Variants in P2RY11 observed in about 807,000 individuals in gnomAD.
The protein encoded by P2RY11 is P2Y purinoceptor 11.
A neutral mutation model predicts 2.4 loss-of-function variants in P2RY11; 3 were observed. The ratio of observed to expected loss-of-function variants is 1.22; its 90% CI spans 0.56 to 3.17. P2RY11 has a LOEUF of 3.17. Ranked by LOEUF, P2RY11 falls within the 30% of genes most tolerant of loss-of-function variation. The pLI, the probability that P2RY11 is intolerant of heterozygous loss-of-function variation, is 0.03. For synonymous variants in P2RY11, 307 were observed against 237.3 expected, an observed-to-expected ratio of 1.29 and a Z score of -2.70; for missense variants, 670 against 528.2, an observed-to-expected ratio of 1.27 and a Z score of -2.63.
Position 10,115,028 on chromosome 19 carries a change from C to G in P2RY11, c.*290C>G. 1.3e-6 allele frequency: 2 copies of G among 1,582,222 alleles called. No homozygotes were observed. The highest frequency in any genetic ancestry group is 8.6e-7 in the Non-Finnish European group (1 of 1,157,422). ...AAAGAACCAAGTAGAGAGAGTGGAG[C>G]TGCTTTATTGCCCTTGGAGCCCGCG... On this transcript the variant is annotated 3_prime_UTR_variant, in exon 2 of 2. Coordinates refer to ENST00000321826, the MANE Select transcript of P2RY11 (RefSeq NM_002566.5).
rs745817044 is a variant in P2RY11 at position 10,114,546 on chromosome 19, C to T, written c.933C>T (p.Pro311=). 6 of 1,612,718 alleles carry T rather than the reference C, an allele frequency of 3.7e-6. No individual in the cohort carries two copies. The South Asian group carries it at 5.5e-5, about 15-fold the overall frequency. Residue 311 remains proline, a synonymous_variant, in exon 2 of 2, where the codon CCC becomes CCT. Coordinates refer to ENST00000321826, the MANE Select transcript of P2RY11 (RefSeq NM_002566.5). ...ACCAGGTGATGCGGGGCCTCATGCC[C>T]CTGGCCTTCTGTGTCCACCCTCTAC... ...VGYQVMRGLM[P]LAFCVHPLLY...
Position 10,114,774 on chromosome 19 carries a change from G to T in P2RY11, c.*36G>T. On this transcript the variant is annotated 3_prime_UTR_variant, in exon 2 of 2. Transcript: ENST00000321826. Reference sequence around the variant, plus strand: ...CGGAAGCTGCCTCCTCACCCTAGGTGTTGCTGGAGAACCCTGAGGGCAGGG... The same window carrying T: ...CGGAAGCTGCCTCCTCACCCTAGGTTTTGCTGGAGAACCCTGAGGGCAGGG... 6.4e-7 allele frequency: 1 copy of T among 1,563,804 alleles called. No individual in the cohort carries two copies. The highest frequency in any genetic ancestry group is 8.7e-7 in the Non-Finnish European group (1 of 1,153,130).
chr19:10,112,846 G>A (rs1027823783), intron 1 of P2RY11, among the ~76,000 whole-genome samples: 1 of 152,130 alleles, frequency 6.6e-6, no homozygotes, highest in African/African-American at 2.4e-5. Context: ...GGAAGCTGAG[G>A]CAGGAGAATC....
rs1568492642 is a variant in P2RY11 at position 10,114,598 on chromosome 19, GGCT to G, written c.994_996del (p.Cys332del). 1 of 1,613,818 alleles carries G rather than the reference GGCT, an allele frequency of 6.2e-7. No individual in the cohort carries two copies. Among genetic ancestry groups the G allele is most frequent in the Non-Finnish European group, 8.5e-7 (1 of 1,179,992 alleles). On this transcript the variant is annotated inframe_deletion, in exon 2 of 2. Transcript: ENST00000321826. ...CTACATGGCCGCAGTGCCCAGCCTG[GGCT>G]GCTGCTGCCGACACTGCCCCGGCTA...
At chr19:10,113,548 C>T (rs952742163) in intron 1 of P2RY11, 85 bp from the exon 2 acceptor site, 27 of 1,528,266 alleles carry the variant, frequency 1.8e-5, no homozygotes, top group East Asian at 1.6e-4. Flanking sequence ...CAGGGATCCA[C>T]GCCATGGCAG....
Position 10,114,920 on chromosome 19 carries a change from C to T in P2RY11, c.*182C>T, listed in dbSNP as rs542779528. The stretch of plus-strand genomic sequence containing the variant: ...CCCACCCACAGCGCTGGCCACAGGG[C>T]TCCCTGCAGGGTCAGGGACCAGACC... On this transcript the variant is annotated 3_prime_UTR_variant, in exon 2 of 2. Transcript: ENST00000321826. 1.9e-5 allele frequency: 26 copies of T among 1,382,502 alleles called. No homozygotes were observed. The East Asian group carries it at 6.5e-4, about 34-fold the overall frequency. 85.6% of individuals were successfully genotyped at this position (1,382,502 alleles called of 1,614,324 possible).
At position 10,115,225 on chromosome 19, in the gene P2RY11, G is replaced by GAAGC; in HGVS notation, c.*487_*488insAAGC. ...TCTTGGGGGTGGGTGGGCAGAGGAC[G>GAAGC]GGGTAATGTGAGGACGAAGCGGGCA... is the stretch of plus-strand genomic sequence containing the variant. On this transcript the variant is annotated 3_prime_UTR_variant, in exon 2 of 2. Transcript: ENST00000321826. 5 of 1,491,956 alleles carry GAAGC rather than the reference G, an allele frequency of 3.4e-6. No individual in the cohort carries two copies. The highest frequency in any genetic ancestry group is 4.6e-6 in the Non-Finnish European group (5 of 1,093,624). 92.4% of individuals were successfully genotyped at this position (1,491,956 alleles called of 1,614,324 possible). A position where few individuals can be genotyped will look rare whatever the true frequency, so the allele number is the denominator to read the frequency against.
At position 10,113,678 on chromosome 19, in the gene P2RY11, A is replaced by AG; in HGVS notation, c.65_66insG (p.Leu23ThrfsTer16). The AG allele has an allele frequency of 6.3e-7, 1 of 1,582,378 alleles. No homozygotes were observed. Among genetic ancestry groups the AG allele is most frequent in the Non-Finnish European group, 8.6e-7 (1 of 1,161,638 alleles). The stretch of plus-strand genomic sequence containing the variant: ...AACTTCTTGGCAGCTGCCGACGACA[A>AG]ACTCAGTGGGTTCCAGGGGGACTTC... On this transcript the variant is annotated frameshift_variant, in exon 2 of 2. Transcript: ENST00000321826. LOFTEE classifies it low-confidence loss of function (END_TRUNC).
chr19:10,114,889 G>A lies in P2RY11; in HGVS notation c.*151G>A, dbSNP rs1011573800. ...AGCTGCAGCCCAGGCAGGAGCAGTC[G>A]CCTTTCCCACCCACAGCGCTGGCCA... is the stretch of plus-strand genomic sequence containing the variant. On this transcript the variant is annotated 3_prime_UTR_variant, in exon 2 of 2. Coordinates refer to ENST00000321826, the MANE Select transcript of P2RY11 (RefSeq NM_002566.5). 7.0e-6 allele frequency: 10 copies of A among 1,418,738 alleles called. No homozygotes were observed. The highest frequency in any genetic ancestry group is 2.9e-5 in the African/African-American group (2 of 70,060). The allele number at this position is 1,418,738 out of a possible 1,614,324, so 87.9% of individuals were successfully genotyped here. A position where few individuals can be genotyped will look rare whatever the true frequency, so the allele number is the denominator to read the frequency against.
At position 10,115,021 on chromosome 19, in the gene P2RY11, A is replaced by G; in HGVS notation, c.*283A>G. On this transcript the variant is annotated 3_prime_UTR_variant, in exon 2 of 2. Transcript: ENST00000321826. ...AGAACAAAAAGAACCAAGTAGAGAGAGTGGAGCTGCTTTATTGCCCTTGGA... is the reference window on the plus strand; with the variant it reads ...AGAACAAAAAGAACCAAGTAGAGAGGGTGGAGCTGCTTTATTGCCCTTGGA... The G allele has an allele frequency of 6.4e-7, 1 of 1,568,680 alleles. No homozygotes were observed. Among genetic ancestry groups the G allele is most frequent in the Non-Finnish European group, 8.7e-7 (1 of 1,146,968 alleles).
Position 10,114,927 on chromosome 19 carries a change from C to A in P2RY11, c.*189C>A. Reference sequence around the variant, plus strand: ...ACAGCGCTGGCCACAGGGCTCCCTGCAGGGTCAGGGACCAGACCACGCCCA... The same window carrying A: ...ACAGCGCTGGCCACAGGGCTCCCTGAAGGGTCAGGGACCAGACCACGCCCA... On this transcript the variant is annotated 3_prime_UTR_variant, in exon 2 of 2. Coordinates refer to ENST00000321826, the MANE Select transcript of P2RY11 (RefSeq NM_002566.5). The A allele has an allele frequency of 7.3e-7, 1 of 1,376,216 alleles. No homozygotes were observed. The highest frequency in any genetic ancestry group is 9.9e-7 in the Non-Finnish European group (1 of 1,005,700). The allele number at this position is 1,376,216 out of a possible 1,614,324, so 85.3% of individuals were successfully genotyped here.
At chr19:10,113,560 C>T (rs372065209) in intron 1 of P2RY11, 73 bp from the exon 2 acceptor site, 16 of 1,538,234 alleles carry the variant, frequency 1.0e-5, no homozygotes, top group East Asian at 4.5e-5. Flanking sequence ...CCATGGCAGA[C>T]GTGGGCTCTT....
rs2089204961 is a variant in P2RY11, at chr19:10,114,681, CA to C, written c.1070del (p.Asn357MetfsTer16). The C allele has an allele frequency of 6.2e-7, 1 of 1,613,618 alleles. No homozygotes were observed. On this transcript the variant is annotated frameshift_variant, in exon 2 of 2. Coordinates refer to ENST00000321826, the MANE Select transcript of P2RY11 (RefSeq NM_002566.5). LOFTEE classifies it low-confidence loss of function (END_TRUNC). ...AKSTGQALPL[N>X]ATAAPKPSEP... ...AGAGCACTGGCCAAGCCCTGCCCCT[CA>C]ATGCCACAGCCGCCCCTAAACCGTC...
Position 10,111,698 on chromosome 19 carries a change from C to T in P2RY11, c.-24C>T. On this transcript the variant is annotated 5_prime_UTR_variant, in exon 1 of 2. Transcript: ENST00000321826. ...GGGCTGGGGAACTGGGTAGCAGACA[C>T]AGGCTGAGGATCGGCACGGGAGCAT... is the stretch of plus-strand genomic sequence containing the variant. The T allele has an allele frequency of 3.1e-6, 5 of 1,613,652 alleles. No individual in the cohort carries two copies. The highest frequency in any genetic ancestry group is 4.2e-6 in the Non-Finnish European group (5 of 1,179,856).
At position 10,113,643 on chromosome 19, in the gene P2RY11, C is replaced by T. The variant is rs1599319896; in HGVS notation, c.30C>T (p.Ser10=). The part of the protein sequence containing the change: MAANVSGAK[S]CPANFLAAAD... ...ACCTTCTGCCCACAGGTGCCAAGTC[C>T]TGCCCTGCCAACTTCTTGGCAGCTG... Residue 10 remains serine (S), a synonymous_variant, in exon 2 of 2, where the codon TCC becomes TCT. Transcript: ENST00000321826. 3.1e-6 allele frequency: 5 copies of T among 1,610,930 alleles called. No homozygotes were observed. Among genetic ancestry groups the T allele is most frequent in the Non-Finnish European group, 4.2e-6 (5 of 1,177,572 alleles).
chr19:10,114,321 A>C lies in P2RY11; in HGVS notation c.708A>C (p.Pro236=), dbSNP rs774815370. 3.4e-5 allele frequency: 54 copies of C among 1,599,224 alleles called. No individual in the cohort carries two copies. The highest frequency in any genetic ancestry group is 4.0e-5 in the Non-Finnish European group (47 of 1,178,084). ...TCGGGCGGGCCGTGCTACGCAGCCCAGGCATGACTGTGGCCGAGAAGCTGC... is the reference window on the plus strand; with the variant it reads ...TCGGGCGGGCCGTGCTACGCAGCCCCGGCATGACTGTGGCCGAGAAGCTGC... The part of the protein sequence containing the change: ...GALGRAVLRS[P]GMTVAEKLRV... The change falls in exon 2 of 2, where the codon CCA becomes CCC. Residue 236 remains proline (P), a synonymous_variant. Transcript: ENST00000321826.
Position 10,114,874 on chromosome 19 carries a change from C to T in P2RY11, c.*136C>T. On this transcript the variant is annotated 3_prime_UTR_variant, in exon 2 of 2. Coordinates refer to ENST00000321826, the MANE Select transcript of P2RY11 (RefSeq NM_002566.5). ...AGCCAGGTCAGGCCCAGCTGCAGCCCAGGCAGGAGCAGTCGCCTTTCCCAC... is the reference window on the plus strand; with the variant it reads ...AGCCAGGTCAGGCCCAGCTGCAGCCTAGGCAGGAGCAGTCGCCTTTCCCAC... The T allele has an allele frequency of 5.6e-6, 8 of 1,440,148 alleles. No homozygotes were observed. The highest frequency in any genetic ancestry group is 5.5e-6 in the Non-Finnish European group (6 of 1,082,600). The allele number at this position is 1,440,148 out of a possible 1,614,324, so 89.2% of individuals were successfully genotyped here. A position where few individuals can be genotyped will look rare whatever the true frequency, so the allele number is the denominator to read the frequency against.
Position 10,114,829 on chromosome 19 carries a change from A to T in P2RY11, c.*91A>T. The T allele has an allele frequency of 6.6e-7, 1 of 1,512,048 alleles. No individual in the cohort carries two copies. The highest frequency in any genetic ancestry group is 8.8e-7 in the Non-Finnish European group (1 of 1,132,986). The allele number at this position is 1,512,048 out of a possible 1,614,324, so 93.7% of individuals were successfully genotyped here. A position where few individuals can be genotyped will look rare whatever the true frequency, so the allele number is the denominator to read the frequency against. On this transcript the variant is annotated 3_prime_UTR_variant, in exon 2 of 2. Coordinates refer to ENST00000321826, the MANE Select transcript of P2RY11 (RefSeq NM_002566.5). ...AGCCCCGACACATCCCTTCCCCCAA[A>T]AAGCAACACCTGTGCTTGCAGCCAG...
Position 10,114,772 on chromosome 19 carries a change from G to C in P2RY11, c.*34G>C. ...AGCGGAAGCTGCCTCCTCACCCTAG[G>C]TGTTGCTGGAGAACCCTGAGGGCAG... On this transcript the variant is annotated 3_prime_UTR_variant, in exon 2 of 2. Transcript: ENST00000321826. The C allele has an allele frequency of 6.4e-7, 1 of 1,565,346 alleles. No individual in the cohort carries two copies. Among genetic ancestry groups the C allele is most frequent in the Non-Finnish European group, 8.7e-7 (1 of 1,153,746 alleles).
Sources: allele counts gnomAD v4.1 joint callset (sites outside exome capture counted in the v4.1 genomes callset), GRCh38; gene constraint gnomAD v4.1.1; transcripts MANE v1.5; gene names NCBI Gene and HGNC (gene_info 2026-07-23, HGNC 2026-07-21).